The following COL4A6 variants were observed in gnomAD, a reference collection of about 807,000 sequenced individuals.
COL4A6 encodes collagen type IV alpha 6 chain, also known as collagen alpha-6(IV) chain.
In COL4A6, 59 loss-of-function variants were observed where a neutral mutation model predicts 126.7. The observed-to-expected ratio is 0.47, with a 90% CI of 0.38 to 0.58. The LOEUF (loss-of-function observed/expected upper bound fraction) is 0.58, where lower values mean the gene tolerates loss of function less well. Among genes scored for constraint, COL4A6 ranks in the 20% least tolerant of loss-of-function variants. The pLI, the probability that COL4A6 is intolerant of heterozygous loss-of-function variation, is 0.00. For missense variants in COL4A6, 1,285 were observed against 1,337.3 expected (o/e 0.96, Z 0.61); for synonymous variants, 547 against 496.6 (o/e 1.10, Z -1.35).
intron 23 of COL4A6, among the ~76,000 whole-genome samples, chrX:108,184,350 T>C (rs1470551924): frequency 8.9e-6 from 1 of 112,456 alleles, no homozygotes; most frequent in Non-Finnish European, 1.9e-5. Flanking sequence ...GGTTTGAATA[T>C]GATTTGTCTC....
intron 2 of COL4A6, among the ~76,000 whole-genome samples, chrX:108,402,263 T>C (rs1301057153): frequency 9.0e-6 from 1 of 111,532 alleles, no homozygotes; most frequent in Non-Finnish European, 1.9e-5. Flanking sequence ...TTCTAAGAAT[T>C]TGTCTATTTT....
Position 108,175,213 on chromosome X carries a change from C to T in COL4A6, c.2833G>A (p.Asp945Asn), listed in dbSNP as rs767923911. ...CCGACTGGCCCCGGATTGCCTCTGT[C>T]TCCTGCAGGGATGGAGATCAGCATG... ...GRAGTPGEKG[D>N]RGNPGPVGIP... is the part of the protein sequence containing the mutation. Residue 945 changes from aspartate to asparagine, a missense_variant and splice_region_variant, in exon 30 of 45, where the codon GAC (aspartate) becomes AAC (asparagine). By Grantham distance (23) the Asp-to-Asn change is conservative. Transcript: ENST00000334504. The T allele has an allele frequency of 8.5e-7, 1 of 1,177,193 alleles. No individual in the cohort carries two copies. Among genetic ancestry groups the T allele is most frequent in the South Asian group, 2.0e-5 (1 of 49,853 alleles).
intron 2 of COL4A6, among the ~76,000 whole-genome samples, chrX:108,343,165 A>ATATATAGAGTGT (rs1377817612): frequency 3.2e-5 from 1 of 31,414 alleles, no homozygotes; most frequent in African/African-American, 9.1e-5. Flanking sequence ...ATATATATAT[A>ATATATAGAGTGT]GTGTGTGTGT....
rs770706189 is a variant in COL4A6 at position 108,190,450 on chromosome X, G to A, written c.1368C>T (p.Phe456=). 43 of 1,204,498 alleles carry A rather than the reference G, an allele frequency of 3.6e-5. No homozygotes were observed. Among genetic ancestry groups the A allele is most frequent in the South Asian group, 1.6e-4 (9 of 56,200 alleles). ...TETLHNKESG[F]PGLRGEQGPK... ...GACCTTGTTCTCCTCGGAGACCAGG[G>A]AACCCTGACTCTTTGTTGTGTAGAG... The change falls in exon 20 of 45, where the codon TTC becomes TTT. Residue 456 remains phenylalanine, a synonymous_variant. Coordinates refer to ENST00000334504, the MANE Select transcript of COL4A6 (RefSeq NM_033641.4).
intron 3 of COL4A6, among the ~76,000 whole-genome samples, chrX:108,245,883 A>G (rs2036706720): frequency 8.9e-6 from 1 of 111,914 alleles, no homozygotes; most frequent in Non-Finnish European, 1.9e-5. Flanking sequence ...AGGTTAGTGT[A>G]CCCTTTTGAC....
chrX:108,228,985 A>G (rs990826400), intron 3 of COL4A6, among the ~76,000 whole-genome samples: 1 of 112,570 alleles, frequency 8.9e-6, no homozygotes, highest in African/African-American at 3.2e-5. Flanking sequence ...TAGTGAATGC[A>G]TTCTAAACAT....
chrX:108,295,873 T>A, intron 3 of COL4A6, among the ~76,000 whole-genome samples: 1 of 112,167 alleles, frequency 8.9e-6, no homozygotes, highest in Non-Finnish European at 1.9e-5. Context: ...TGGTAGTTAA[T>A]GGCTTGAATA....
rs2064308010 is a variant in COL4A6 at position 108,438,190 on chromosome X, G to T, written c.7C>A (p.Pro3Thr). 1 of 1,195,964 alleles carries T rather than the reference G, an allele frequency of 8.4e-7. No homozygotes were observed. Among genetic ancestry groups the T allele is most frequent in the East Asian group, 3.0e-5 (1 of 33,799 alleles). Reference sequence around the variant, plus strand: ...CTCGGGGCAGCAACAGCTCACCCAGGGTGCATGCTTGCGGCTCCTCCGGAG... The same window carrying T: ...CTCGGGGCAGCAACAGCTCACCCAGTGTGCATGCTTGCGGCTCCTCCGGAG... MHPGLWLLLVTLC... is the reference protein window; with the variant it reads MHTGLWLLLVTLC... Residue 3 changes from proline to threonine, a missense_variant, in exon 1 of 45, where the codon CCT (proline) becomes ACT (threonine). Physicochemically the swap from Pro to Thr is conservative, Grantham distance 38 (BLOSUM62 -1). Coordinates refer to ENST00000334504, the MANE Select transcript of COL4A6 (RefSeq NM_033641.4).
At chrX:108,287,366 G>A (rs1352157805) in intron 3 of COL4A6, among the ~76,000 whole-genome samples, 1 of 111,516 alleles carries the variant, frequency 9.0e-6, no homozygotes, top group African/African-American at 3.3e-5. Flanking sequence ...ATCTGGTTGG[G>A]TGCTGGATAT....
chrX:108,204,488 G>C, intron 11 of COL4A6, 76 bp from the exon 12 acceptor site: 1 of 872,125 alleles, frequency 1.1e-6, no homozygotes, highest in Non-Finnish European at 1.7e-6. Context: ...TTTGTCCTCT[G>C]GATGTAACTC....
intron 2 of COL4A6, among the ~76,000 whole-genome samples, chrX:108,371,596 A>C (rs1476723417): frequency 9.7e-6 from 1 of 103,607 alleles, no homozygotes; most frequent in African/African-American, 3.7e-5. Flanking sequence ...AAAAAAAAAA[A>C]CTCTTTTAAA....
intron 40 of COL4A6, among the ~76,000 whole-genome samples, chrX:108,164,060 A>C (rs1007756574): frequency 7.2e-5 from 8 of 111,655 alleles, no homozygotes; most frequent in African/African-American, 2.6e-4. Flanking sequence ...TGGATGATTT[A>C]TGTTTTTATA....
intron 2 of COL4A6, among the ~76,000 whole-genome samples, chrX:108,351,748 A>G (rs1054881025): frequency 3.7e-5 from 4 of 109,130 alleles, no homozygotes; most frequent in African/African-American, 1.4e-4. Flanking sequence ...GGTTATTTTC[A>G]GCTGGGGATA....
chrX:108,321,321 C>G (rs1450272148), intron 2 of COL4A6, among the ~76,000 whole-genome samples: 2 of 111,227 alleles, frequency 1.8e-5, no homozygotes, highest in Non-Finnish European at 3.8e-5. Flanking sequence ...AACTGTGTGA[C>G]TCTTGTTTTT....
At position 108,297,183 on chromosome X, in the gene COL4A6, G is replaced by T. The variant is rs2038350713; in HGVS notation, c.144+13565C>A. On this transcript the variant is annotated intron_variant, in intron 3 of 44. Coordinates refer to ENST00000334504, the MANE Select transcript of COL4A6 (RefSeq NM_033641.4). ...TAGGAGATGGTGGAGTTAAGGGAGGGTTTGATAATACTCAAATCTAATAAT... is the reference window on the plus strand; with the variant it reads ...TAGGAGATGGTGGAGTTAAGGGAGGTTTTGATAATACTCAAATCTAATAAT... 4.5e-5 allele frequency among the ~76,000 whole-genome samples: 5 copies of T among 111,910 alleles called. No homozygotes were observed. In the South Asian group the frequency reaches 1.5e-3, roughly 34 times the overall value.
chrX:108,230,844 A>C (rs1010072758), intron 3 of COL4A6, among the ~76,000 whole-genome samples: 4 of 111,819 alleles, frequency 3.6e-5, no homozygotes, highest in Non-Finnish European at 7.5e-5. Context: ...ATGAGTATCC[A>C]TAGAGCCATA....
intron 2 of COL4A6, among the ~76,000 whole-genome samples, chrX:108,402,507 T>G (rs2148209929): frequency 9.0e-6 from 1 of 111,102 alleles, no homozygotes; most frequent in Non-Finnish European, 1.9e-5. Context: ...TCCTCCTAAC[T>G]TTTTCTTCAA....
intron 31 of COL4A6, 35 bp from the exon 32 acceptor site, chrX:108,172,567 A>G: frequency 8.9e-7 from 1 of 1,125,127 alleles, no homozygotes; most frequent in Non-Finnish European, 1.2e-6. Flanking sequence ...ATTTCTGCCC[A>G]GAGCTCAGGA....
chrX:108,161,118 A>T (rs757592399), intron 42 of COL4A6, among the ~76,000 whole-genome samples: 5 of 112,104 alleles, frequency 4.5e-5, no homozygotes, highest in Non-Finnish European at 9.4e-5. Flanking sequence ...CATGACAGAC[A>T]TGACAAATCA....
Sources: gnomAD v4.1 joint callset for allele counts (sites outside exome capture counted in the v4.1 genomes callset) on GRCh38, gnomAD v4.1.1 for gene constraint, MANE v1.5 for transcripts, NCBI Gene and HGNC (gene_info 2026-07-23, HGNC 2026-07-21) for gene names.